NR3C2: variants seen among roughly 807,000 people sequenced by gnomAD.
The protein encoded by NR3C2 is mineralocorticoid receptor.
NR3C2 carries 15 observed loss-of-function variants against 86.4 expected under a neutral mutation model. The observed-to-expected ratio is 0.17, with a 90% confidence interval of 0.12 to 0.27. The LOEUF is 0.27. NR3C2 is among the 10% of genes least tolerant of loss of function. The probability of loss-of-function intolerance (pLI) is 1.00; values close to 1 mark genes in which losing one functional copy is unlikely to be tolerated. For missense variants in NR3C2, 960 were observed against 1,195.6 expected (o/e 0.80, Z 2.91); for synonymous variants, 458 against 450.5 (o/e 1.02, Z -0.21).
chr4:148,308,110 G>C (rs1012899989), intron 2 of NR3C2, among the ~76,000 whole-genome samples: 3 of 151,992 alleles, frequency 2.0e-5, no homozygotes, highest in African/African-American at 7.3e-5. Context: ...CACATTGTTT[G>C]GGTTCTTTAC....
At chr4:148,367,324 C>A (rs1041093113) in intron 2 of NR3C2, among the ~76,000 whole-genome samples, 1 of 151,970 alleles carries the variant, frequency 6.6e-6, no homozygotes, top group Non-Finnish European at 1.5e-5. Context: ...TTTTGGCATA[C>A]GATAATTGCT....
intron 8 of NR3C2, among the ~76,000 whole-genome samples, chr4:148,097,678 G>A (rs951368098): frequency 1.3e-5 from 2 of 151,590 alleles, no homozygotes; most frequent in African/African-American, 4.9e-5. Context: ...GGCCCAGGAC[G>A]GCTTTGAATG....
chr4:148,217,776 G>A (rs1737617306), intron 3 of NR3C2, among the ~76,000 whole-genome samples: 1 of 152,172 alleles, frequency 6.6e-6, no homozygotes. Flanking sequence ...AGTATTTGCT[G>A]TAAATCAAGT....
In NR3C2 at chr4:148,436,069, C is replaced by A. The variant is rs192001093; in HGVS notation, c.792G>T (p.Pro264=). The part of the protein sequence containing the change: ...ASNVGSPLSS[P]LSSMKSSISS... ...AAATTGAGGATTTCATGCTACTTAA[C>A]GGACTTGAGAGAGGAGAGCCCACAT... Residue 264 remains proline, a synonymous_variant, in exon 2 of 9, where the codon CCG becomes CCT. Coordinates refer to ENST00000358102, the MANE Select transcript of NR3C2 (RefSeq NM_000901.5). 1 of 1,614,080 alleles carries A rather than the reference C, an allele frequency of 6.2e-7. No individual in the cohort carries two copies. The highest frequency in any genetic ancestry group is 8.5e-7 in the Non-Finnish European group (1 of 1,180,030).
chr4:148,115,034 T>G (rs1732209496), intron 7 of NR3C2, among the ~76,000 whole-genome samples: 1 of 152,226 alleles, frequency 6.6e-6, no homozygotes, highest in Non-Finnish European at 1.5e-5. Context: ...CACTGGTTTA[T>G]GCGTGTGAGG....
chr4:148,235,060 A>G (rs1475187830), intron 3 of NR3C2, among the ~76,000 whole-genome samples: 3 of 152,120 alleles, frequency 2.0e-5, no homozygotes, highest in Admixed American at 6.6e-5. Flanking sequence ...ATTTAAAATG[A>G]CAACTCCTGG....
chr4:148,398,851 G>A (rs1468340675), intron 2 of NR3C2, among the ~76,000 whole-genome samples: 2 of 152,168 alleles, frequency 1.3e-5, no homozygotes, highest in Non-Finnish European at 2.9e-5. Context: ...AAAGAGTAAC[G>A]ATTGTGTACA....
intron 2 of NR3C2, among the ~76,000 whole-genome samples, chr4:148,359,946 T>G (rs561121673): frequency 6.6e-6 from 1 of 152,230 alleles, no homozygotes; most frequent in East Asian, 1.9e-4. Context: ...TAGGTGCAAA[T>G]AAGGAATTGG....
At position 148,230,548 on chromosome 4, in the gene NR3C2, C is replaced by T. The variant is rs182716034; in HGVS notation, c.1897+29430G>A. 3.2e-3 allele frequency among the ~76,000 whole-genome samples: 483 copies of T among 152,288 alleles called. 1 individual carries two copies. The highest frequency in any genetic ancestry group is 3.8e-3 in the Non-Finnish European group (259 of 68,026). On this transcript the variant is annotated intron_variant, in intron 3 of 8. Coordinates refer to ENST00000358102, the MANE Select transcript of NR3C2 (RefSeq NM_000901.5). ...CTCTTGTATTAGCCAATCCTGATAG[C>T]TGCCTTCCCTCTGAAATTGCAATTA...
intron 4 of NR3C2, among the ~76,000 whole-genome samples, chr4:148,171,190 T>C (rs1394104317): frequency 6.6e-6 from 1 of 152,220 alleles, no homozygotes; most frequent in Non-Finnish European, 1.5e-5. Context: ...TGACACCACC[T>C]GGAGGTAAAA....
At chr4:148,085,052 T>C (rs542767751) in intron 8 of NR3C2, among the ~76,000 whole-genome samples, 4 of 151,974 alleles carry the variant, frequency 2.6e-5, no homozygotes, top group South Asian at 4.2e-4. Flanking sequence ...CACAATAATA[T>C]TGGGAGACTT....
intron 2 of NR3C2, among the ~76,000 whole-genome samples, chr4:148,428,186 G>A (rs1749640171): frequency 6.6e-6 from 1 of 152,158 alleles, no homozygotes; most frequent in Non-Finnish European, 1.5e-5. Flanking sequence ...GCTGGGAGTA[G>A]AATCCTGCCC....
At chr4:148,425,862 T>C (rs1324502601) in intron 2 of NR3C2, among the ~76,000 whole-genome samples, 1 of 152,218 alleles carries the variant, frequency 6.6e-6, no homozygotes, top group East Asian at 1.9e-4. Context: ...TCACGAATAC[T>C]GTCTCCGTCT....
At chr4:148,149,564 C>G (rs537785147) in intron 6 of NR3C2, among the ~76,000 whole-genome samples, 29 of 152,280 alleles carry the variant, frequency 1.9e-4, no homozygotes, top group African/African-American at 7.0e-4. Context: ...TTTGACTTCA[C>G]TACAATTATA....
chr4:148,443,455 G>C (rs61760029), upstream of NR3C2, among the ~76,000 whole-genome samples: 2 of 152,054 alleles, frequency 1.3e-5, no homozygotes, highest in South Asian at 2.1e-4. Context: ...ACAGACAGGA[G>C]GGGGGAAGGA....
intron 2 of NR3C2, among the ~76,000 whole-genome samples, chr4:148,284,309 A>C (rs13137095): frequency 0.21 from 32,402 of 151,836 alleles, 4,382 homozygotes; most frequent in East Asian, 0.45. Context: ...ATAAGCCTAT[A>C]AATAGAGGGT....
chr4:148,301,573 CACA>C (rs1243201167), intron 2 of NR3C2, among the ~76,000 whole-genome samples: 2 of 152,116 alleles, frequency 1.3e-5, no homozygotes, highest in African/African-American at 4.8e-5. Flanking sequence ...GAAATAAAAG[CACA>C]ACAAGTTTCT....
chr4:148,107,777 A>T (rs968093778), intron 8 of NR3C2, among the ~76,000 whole-genome samples: 1 of 152,204 alleles, frequency 6.6e-6, no homozygotes, highest in Admixed American at 6.5e-5. Flanking sequence ...GTTCTCACTC[A>T]TAAGTGGGAG....
chr4:148,435,819 T>G lies in NR3C2; in HGVS notation c.1042A>C (p.Thr348Pro). Residue 348 changes from threonine to proline, a missense_variant, in exon 2 of 9, where the codon ACC (threonine) becomes CCC (proline). Coordinates refer to ENST00000358102, the MANE Select transcript of NR3C2 (RefSeq NM_000901.5). ...NNAFSYTASG[T>P]SAGSSTLRDV... ...CGCAATGTACTGGATCCAGCAGAGG[T>G]GCCAGAAGCAGTGTAGCTGAAGGCA... 4 of 1,614,124 alleles carry G rather than the reference T, an allele frequency of 2.5e-6. No individual in the cohort carries two copies. The highest frequency in any genetic ancestry group is 1.7e-6 in the Non-Finnish European group (2 of 1,180,020).
Sources: gnomAD v4.1 joint callset for allele counts (sites outside exome capture counted in the v4.1 genomes callset) on GRCh38, gnomAD v4.1.1 for gene constraint, MANE v1.5 for transcripts, NCBI Gene and HGNC (gene_info 2026-07-23, HGNC 2026-07-21) for gene names.